Variants in CCM2L observed in about 807,000 individuals in gnomAD.
CCM2L encodes cerebral cavernous malformations 2 protein-like.
In CCM2L, 36 loss-of-function variants were observed where a neutral mutation model predicts 54.1. The observed-to-expected ratio is 0.67, with a 90% confidence interval of 0.51 to 0.88. The LOEUF is 0.88. Ranked by LOEUF, CCM2L falls within the 40% of genes least tolerant of loss-of-function variation. The probability of loss-of-function intolerance (pLI) is 0.00; values close to 1 mark genes in which losing one functional copy is unlikely to be tolerated. For synonymous variants in CCM2L, 351 were observed against 359.3 expected, an observed-to-expected ratio of 0.98 and a Z score of 0.26; for missense variants, 700 against 812.1, an observed-to-expected ratio of 0.86 and a Z score of 1.68.
In CCM2L at chr20:32,025,934, T is replaced by G. The variant is rs1427269943; in HGVS notation, c.1133+15T>G. The G allele has an allele frequency of 7.7e-7, 1 of 1,303,642 alleles. No individual in the cohort carries two copies. The highest frequency in any genetic ancestry group is 1.0e-6 in the Non-Finnish European group (1 of 988,588). 80.8% of individuals were successfully genotyped at this position (1,303,642 alleles called of 1,614,324 possible). A position where few individuals can be genotyped will look rare whatever the true frequency, so the allele number is the denominator to read the frequency against. ...TGCAGCTCCTTGTGAGTACAGCCCC[T>G]GTCAGGGACTCCACCCTGCTCCCCT... On this transcript the variant is annotated intron_variant, in intron 7 of 9. Transcript: ENST00000452892.
intron 5 of CCM2L, among the ~76,000 whole-genome samples, chr20:32,020,660 A>C (rs1422765686): frequency 6.6e-6 from 1 of 151,958 alleles, no homozygotes; most frequent in Non-Finnish European, 1.5e-5. Flanking sequence ...TCTCTTTCTC[A>C]CACACACCCC....
intron 1 of CCM2L, among the ~76,000 whole-genome samples, chr20:32,014,438 G>C (rs2064720952): frequency 6.6e-6 from 1 of 151,794 alleles, no homozygotes; most frequent in African/African-American, 2.4e-5. Context: ...ACAAATTTTT[G>C]TAATTTTAGT....
intron 7 of CCM2L, chr20:32,028,604 C>G (rs1219525322): frequency 4.8e-6 from 1 of 209,614 alleles, no homozygotes. Context: ...ACTGAGGGAG[C>G]ATGTTCGACA....
intron 2 of CCM2L, among the ~76,000 whole-genome samples, chr20:32,016,178 A>G (rs1195775404): frequency 1.3e-5 from 2 of 151,930 alleles, no homozygotes; most frequent in Non-Finnish European, 2.9e-5. Flanking sequence ...TGAAGAGGAA[A>G]TGATGGATCT....
In CCM2L at chr20:32,014,497, C is replaced by T. The variant is rs1343264008; in HGVS notation, c.31-407C>T. ...GCCAGGCTAGTCTCCAACTCCTGAC[C>T]TCAAGTGATCCACCCGCCTTGGCCT... On this transcript the variant is annotated intron_variant, in intron 1 of 9. Coordinates refer to ENST00000452892, the MANE Select transcript of CCM2L (RefSeq NM_001365692.1). Among the ~76,000 whole-genome samples, 5 of 152,090 alleles carry T rather than the reference C, an allele frequency of 3.3e-5. No individual in the cohort carries two copies. The East Asian group carries it at 9.6e-4, about 29-fold the overall frequency.
intron 1 of CCM2L, among the ~76,000 whole-genome samples, chr20:32,012,528 T>TG (rs1409846942): frequency 2.0e-5 from 3 of 152,152 alleles, no homozygotes; most frequent in African/African-American, 7.2e-5. Context: ...CTGATGGCTG[T>TG]GGGGCCACAC....
chr20:32,017,163 T>C (rs1429634991), intron 2 of CCM2L, among the ~76,000 whole-genome samples: 1 of 152,168 alleles, frequency 6.6e-6, no homozygotes, highest in Non-Finnish European at 1.5e-5. Flanking sequence ...TTAACTATTA[T>C]ATTGAGTAAC....
At chr20:32,022,101 C>T (rs989736239) in intron 5 of CCM2L, among the ~76,000 whole-genome samples, 1 of 152,182 alleles carries the variant, frequency 6.6e-6, no homozygotes, top group Non-Finnish European at 1.5e-5. Context: ...TACCTATTCA[C>T]ATTTGTAGTC....
intron 5 of CCM2L, among the ~76,000 whole-genome samples, chr20:32,022,348 GTTTCCATATCTATACATTAAA>G (rs1568920437): frequency 6.6e-6 from 1 of 152,036 alleles, no homozygotes; most frequent in East Asian, 1.9e-4. Flanking sequence ...CTGGGCCTCC[GTTTCCATATCTATACATTAAA>G]CTAAATTAGG....
intron 4 of CCM2L, among the ~76,000 whole-genome samples, chr20:32,018,692 C>T (rs911787813): frequency 6.6e-6 from 1 of 151,974 alleles, no homozygotes; most frequent in Non-Finnish European, 1.5e-5. Flanking sequence ...GCCAGGGGCG[C>T]AGGCGTCGTG....
At chr20:32,013,335 C>T (rs1181298475) in intron 1 of CCM2L, among the ~76,000 whole-genome samples, 1 of 152,136 alleles carries the variant, frequency 6.6e-6, no homozygotes, top group East Asian at 1.9e-4. Context: ...ATGCCTGGGT[C>T]TCAGTCCCAG....
intron 7 of CCM2L, 187 bp from the exon 8 acceptor site, chr20:32,028,808 C>T (rs757726324): frequency 1.3e-5 from 9 of 677,326 alleles, no homozygotes; most frequent in Admixed American, 5.9e-5. Flanking sequence ...GTGGGGGGCG[C>T]GAAGCACAAA....
At chr20:32,025,247 TTTTTCTTTTC>T (rs368794150) in intron 6 of CCM2L, among the ~76,000 whole-genome samples, 7 of 151,528 alleles carry the variant, frequency 4.6e-5, no homozygotes, top group Admixed American at 2.6e-4. Flanking sequence ...TCTTTCTTTC[TTTTTCTTTTC>T]TTTTCTTTTT....
In CCM2L at chr20:32,015,073, T is replaced by G. The variant is rs1240614012; in HGVS notation, c.198+2T>G. 32 of 1,501,286 alleles carry G rather than the reference T, an allele frequency of 2.1e-5. No homozygotes were observed. Among genetic ancestry groups the G allele is most frequent in the Non-Finnish European group, 2.8e-5 (32 of 1,128,138 alleles). 93.0% of individuals were successfully genotyped at this position (1,501,286 alleles called of 1,614,324 possible). ...GACTACCTGGAGAAAGAGGTCAAGGTGCGTGCAGGATGAGAAGGGGTGGGA... is the reference window on the plus strand; with the variant it reads ...GACTACCTGGAGAAAGAGGTCAAGGGGCGTGCAGGATGAGAAGGGGTGGGA... On this transcript the variant is annotated splice_donor_variant, in intron 2 of 9. Transcript: ENST00000452892. LOFTEE classifies it high-confidence loss of function.
intron 6 of CCM2L, among the ~76,000 whole-genome samples, 172 bp from the exon 7 acceptor site, chr20:32,025,684 C>T (rs1003897134): frequency 1.3e-5 from 2 of 152,070 alleles, no homozygotes; most frequent in Admixed American, 6.5e-5. Flanking sequence ...GTCCCCACAT[C>T]GGGGAAGTTG....
rs1416417672 is a variant in CCM2L, at chr20:32,031,033, G to A, written c.1435G>A (p.Gly479Ser). 2 of 1,304,214 alleles carry A rather than the reference G, an allele frequency of 1.5e-6. No homozygotes were observed. The highest frequency in any genetic ancestry group is 5.5e-5 in the East Asian group (1 of 18,020). The allele number at this position is 1,304,214 out of a possible 1,614,324, so 80.8% of individuals were successfully genotyped here. A position where few individuals can be genotyped will look rare whatever the true frequency, so the allele number is the denominator to read the frequency against. ...GCCCTTCATCCCGGACCAGGACATC[G>A]GCTACTTCGAGGGCTTCCTGGAGGG... ...MRPFIPDQDI[G>S]YFEGFLEGVG... The change falls in exon 10 of 10, where the codon GGC becomes AGC. Residue 479 changes from glycine to serine, a missense_variant. Gly to Ser is a moderately conservative substitution (Grantham distance 56). Coordinates refer to ENST00000452892, the MANE Select transcript of CCM2L (RefSeq NM_001365692.1).
intron 2 of CCM2L, 22 bp downstream of exon 2, chr20:32,015,093 G>A: frequency 1.4e-6 from 2 of 1,464,750 alleles, no homozygotes; most frequent in South Asian, 1.4e-5. Context: ...ATGAGAAGGG[G>A]TGGGAAAACC....
At chr20:32,028,872 G>C (rs2064889585) in intron 7 of CCM2L, 123 bp from the exon 8 acceptor site, 1 of 1,269,506 alleles carries the variant, frequency 7.9e-7, no homozygotes, top group Non-Finnish European at 1.1e-6. Context: ...GGTGCCAGGG[G>C]CCAGGGTATG....
At chr20:32,018,692 C>A (rs911787813) in intron 4 of CCM2L, among the ~76,000 whole-genome samples, 44 of 152,094 alleles carry the variant, frequency 2.9e-4, no homozygotes, top group African/African-American at 1.0e-3. Flanking sequence ...GCCAGGGGCG[C>A]AGGCGTCGTG....
Sources: allele counts gnomAD v4.1 joint callset (sites outside exome capture counted in the v4.1 genomes callset), GRCh38; gene constraint gnomAD v4.1.1; transcripts MANE v1.5; gene names NCBI Gene and HGNC (gene_info 2026-07-23, HGNC 2026-07-21).